ANKFN1: variants seen among roughly 807,000 people sequenced by gnomAD.
ANKFN1 encodes the protein ankyrin repeat and fibronectin type III domain containing 1.
A neutral mutation model predicts 108.7 loss-of-function variants in ANKFN1; 74 were observed. The ratio of observed to expected loss-of-function variants is 0.68; its 90% CI spans 0.56 to 0.83. The LOEUF (loss-of-function observed/expected upper bound fraction) is 0.83, where lower values mean the gene tolerates loss of function less well. Among genes scored for constraint, ANKFN1 ranks in the 40% least tolerant of loss-of-function variants. The probability of loss-of-function intolerance (pLI) is 0.00; values close to 1 mark genes in which losing one functional copy is unlikely to be tolerated. For synonymous variants in ANKFN1, 547 were observed against 516.2 expected (o/e 1.06, Z -0.81); for missense variants, 1,505 against 1,382.3 (o/e 1.09, Z -1.41).
intron 3 of ANKFN1, among the ~76,000 whole-genome samples, chr17:56,262,080 C>G (rs761098804): frequency 6.6e-6 from 1 of 152,078 alleles, no homozygotes; most frequent in African/African-American, 2.4e-5. Flanking sequence ...AGGTCCGAGC[C>G]CTCCAAGAAT....
At chr17:56,318,490 A>T (rs2045271913) in intron 3 of ANKFN1, among the ~76,000 whole-genome samples, 2 of 152,176 alleles carry the variant, frequency 1.3e-5, no homozygotes, top group African/African-American at 4.8e-5. Context: ...CTGAGAGGGA[A>T]ATTCAAAAAT....
intron 15 of ANKFN1, among the ~76,000 whole-genome samples, chr17:56,467,807 A>AGAAAAAGAAAG (rs1568026500): frequency 6.1e-5 from 2 of 32,870 alleles, no homozygotes; most frequent in Admixed American, 4.0e-4. Flanking sequence ...AGAAAGAAAG[A>AGAAAAAGAAAG]AAGAAAGAAA....
At chr17:56,099,083 C>T (rs772883615) in intron 4 of ANKFN1, among the ~76,000 whole-genome samples, 2 of 152,132 alleles carry the variant, frequency 1.3e-5, no homozygotes, top group Non-Finnish European at 2.9e-5. Flanking sequence ...CTTACTTTGT[C>T]ACAACTCAGA....
At chr17:56,493,128 C>A (rs1052703558) in intron 19 of ANKFN1, among the ~76,000 whole-genome samples, 1 of 152,042 alleles carries the variant, frequency 6.6e-6, no homozygotes, top group Non-Finnish European at 1.5e-5. Context: ...ACACTGTGTG[C>A]GAGACATAAA....
intron 4 of ANKFN1, among the ~76,000 whole-genome samples, chr17:56,337,269 A>T (rs1160158645): frequency 2.0e-5 from 3 of 152,152 alleles, no homozygotes; most frequent in East Asian, 1.9e-4. Flanking sequence ...AGTCCTGGAT[A>T]TCCTTGTTAA....
At chr17:56,237,864 T>C (rs981608566) in intron 3 of ANKFN1, among the ~76,000 whole-genome samples, 1 of 152,164 alleles carries the variant, frequency 6.6e-6, no homozygotes, top group Non-Finnish European at 1.5e-5. Flanking sequence ...TCTGTTGTGA[T>C]GTTAGGTTGT....
rs1378848568 is a variant in ANKFN1, at chr17:56,512,688, T to C, written c.*1419T>C. Among the ~76,000 whole-genome samples, 3 of 152,242 alleles carry C rather than the reference T, an allele frequency of 2.0e-5. No homozygotes were observed. In the East Asian group the frequency reaches 5.8e-4, roughly 29 times the overall value. On this transcript the variant is annotated 3_prime_UTR_variant, in exon 21 of 21. Coordinates refer to ENST00000682825, the MANE Select transcript of ANKFN1 (RefSeq NM_001370326.1). ...AATATTGCTCTTTATGGCCCTATCCTTGTCCACAGAGTTCTACCATTCCTC... is the reference window on the plus strand; with the variant it reads ...AATATTGCTCTTTATGGCCCTATCCCTGTCCACAGAGTTCTACCATTCCTC...
intron 4 of ANKFN1, among the ~76,000 whole-genome samples, chr17:56,074,948 T>C (rs1366215466): frequency 2.6e-5 from 4 of 152,210 alleles, no homozygotes; most frequent in Non-Finnish European, 5.9e-5. Flanking sequence ...CATGTTATCA[T>C]GTGCAAATCA....
chr17:56,081,192 G>A (rs1262363783), intron 4 of ANKFN1, among the ~76,000 whole-genome samples: 3 of 152,104 alleles, frequency 2.0e-5, no homozygotes, highest in Non-Finnish European at 4.4e-5. Context: ...AGAGACCAAG[G>A]CAAGTTTTAG....
chr17:56,391,372 G>A (rs1172926764), intron 8 of ANKFN1, among the ~76,000 whole-genome samples: 183 of 7,068 alleles, frequency 0.026, 3 homozygotes, highest in African/African-American at 0.096. Context: ...ATATATATGT[G>A]TGTGTGTGTG....
At chr17:56,293,860 C>A (rs1451537332) in intron 3 of ANKFN1, among the ~76,000 whole-genome samples, 1 of 152,082 alleles carries the variant, frequency 6.6e-6, no homozygotes, top group African/African-American at 2.4e-5. Context: ...TCTTATAGTC[C>A]CAGCACCTCT....
At chr17:56,178,008 T>G (rs1356636207) in intron 1 of ANKFN1, among the ~76,000 whole-genome samples, 1 of 152,234 alleles carries the variant, frequency 6.6e-6, no homozygotes, top group African/African-American at 2.4e-5. Context: ...TTACCAATTT[T>G]TCTTGTGTAT....
At chr17:56,410,093 T>C (rs1243616476) in intron 8 of ANKFN1, among the ~76,000 whole-genome samples, 1 of 152,204 alleles carries the variant, frequency 6.6e-6, no homozygotes, top group Non-Finnish European at 1.5e-5. Flanking sequence ...TTTTATATTG[T>C]TGTATTTTTT....
chr17:56,310,150 A>G (rs891887629), intron 3 of ANKFN1, among the ~76,000 whole-genome samples: 2 of 152,246 alleles, frequency 1.3e-5, no homozygotes, highest in African/African-American at 4.8e-5. Flanking sequence ...TGGGCAGGAC[A>G]TTGAGGTGGT....
intron 19 of ANKFN1, among the ~76,000 whole-genome samples, chr17:56,497,963 C>A (rs2051252498): frequency 1.3e-5 from 2 of 152,058 alleles, no homozygotes; most frequent in African/African-American, 4.8e-5. Flanking sequence ...CCATGTCTAT[C>A]AAGATCTGGA....
At chr17:56,205,923 C>T (rs988302743) in intron 1 of ANKFN1, among the ~76,000 whole-genome samples, 6 of 152,108 alleles carry the variant, frequency 3.9e-5, no homozygotes, top group Admixed American at 2.6e-4. Context: ...TTCATACATC[C>T]TCTATCAGAT....
At chr17:56,056,376 CAAAA>C in intron 4 of ANKFN1, among the ~76,000 whole-genome samples, 1 of 135,164 alleles carries the variant, frequency 7.4e-6, no homozygotes, top group Non-Finnish European at 1.6e-5. Flanking sequence ...CAATTCTAAG[CAAAA>C]AAAAAAAAAA....
intron 11 of ANKFN1, 89 bp downstream of exon 11, chr17:56,449,275 C>T: frequency 1.1e-6 from 1 of 875,220 alleles, no homozygotes; most frequent in Non-Finnish European, 1.8e-6. Flanking sequence ...CATACCTTCT[C>T]ATTCATCAGG....
chr17:56,392,962 G>C (rs1166514532), intron 8 of ANKFN1, among the ~76,000 whole-genome samples: 5 of 152,072 alleles, frequency 3.3e-5, no homozygotes, highest in African/African-American at 1.2e-4. Context: ...GAGCACCCAG[G>C]AAGTCTGAAT....
Sources: gnomAD v4.1 joint callset for allele counts (sites outside exome capture counted in the v4.1 genomes callset) on GRCh38, gnomAD v4.1.1 for gene constraint, MANE v1.5 for transcripts, NCBI Gene and HGNC (gene_info 2026-07-23, HGNC 2026-07-21) for gene names.